SQOR: variants seen among roughly 807,000 people sequenced by gnomAD.
SQOR encodes sulfide:quinone oxidoreductase, mitochondrial.
In SQOR, 39 loss-of-function variants were observed where a neutral mutation model predicts 48.6. The ratio of observed to expected loss-of-function variants is 0.80; its 90% CI spans 0.62 to 1.05. SQOR has a LOEUF of 1.05. Ranked by LOEUF, SQOR falls within the 50% of genes least tolerant of loss-of-function variation. The pLI, the probability that SQOR is intolerant of heterozygous loss-of-function variation, is 0.00. For synonymous variants in SQOR, 220 were observed against 206.2 expected (o/e 1.07, Z -0.57); for missense variants, 561 against 559.9 (o/e 1.00, Z -0.02).
chr15:45,676,262 G>T lies in SQOR; in HGVS notation c.816G>T (p.Glu272Asp), dbSNP rs1429436199. The T allele has an allele frequency of 1.2e-6, 2 of 1,613,996 alleles. No homozygotes were observed. Among genetic ancestry groups the T allele is most frequent in the African/African-American group, 2.7e-5 (2 of 74,904 alleles). Residue 272 changes from glutamate to aspartate, a missense_variant, in exon 6 of 10, where the codon GAG becomes GAT. Transcript: ENST00000260324. ...TTGAAGTCCGAGCCGATAAACAAGA[G>T]GCTGTATTTGAGAACCTGGACAAAC... Reference protein sequence around the residue: ...NLIEVRADKQEAVFENLDKPG... With the variant: ...NLIEVRADKQDAVFENLDKPG...
chr15:45,647,172 C>A (rs1428355673), intron 1 of SQOR, among the ~76,000 whole-genome samples: 2 of 151,788 alleles, frequency 1.3e-5, no homozygotes, highest in African/African-American at 2.4e-5. Flanking sequence ...TCGCTTGAAT[C>A]CGGGAGGAGG....
intron 4 of SQOR, among the ~76,000 whole-genome samples, chr15:45,671,121 T>A (rs2140954841): frequency 6.6e-6 from 1 of 152,230 alleles, no homozygotes; most frequent in East Asian, 1.9e-4. Context: ...TATTATGGAA[T>A]CTCTATTACA....
At chr15:45,646,252 G>A (rs533381876) in intron 1 of SQOR, among the ~76,000 whole-genome samples, 1 of 152,176 alleles carries the variant, frequency 6.6e-6, no homozygotes, top group African/African-American at 2.4e-5. Context: ...GCCATCCCTG[G>A]AGCTGGAAGG....
intron 1 of SQOR, among the ~76,000 whole-genome samples, chr15:45,647,826 A>C (rs1001085022): frequency 6.6e-6 from 1 of 152,126 alleles, no homozygotes; most frequent in Admixed American, 6.5e-5. Context: ...TTGAAGCACA[A>C]GAATCGCTTA....
At position 45,689,182 on chromosome 15, in the gene SQOR, C is replaced by T. The variant is rs1421151986; in HGVS notation, c.1260C>T (p.Asp420=). Residue 420 remains aspartate (D), a synonymous_variant, in exon 9 of 10, where the codon GAC becomes GAT. Coordinates refer to ENST00000260324, the MANE Select transcript of SQOR (RefSeq NM_021199.4). The part of the protein sequence containing the change: ...ERLSMYLMKA[D]LMPFLYWNMM... Reference sequence around the variant, plus strand: ...TTTCCATGTATCTCATGAAAGCTGACCTGATGCCTTTCCTGTATTGGAATA... The same window carrying T: ...TTTCCATGTATCTCATGAAAGCTGATCTGATGCCTTTCCTGTATTGGAATA... The T allele has an allele frequency of 6.2e-7, 1 of 1,613,944 alleles. No homozygotes were observed. Among genetic ancestry groups the T allele is most frequent in the East Asian group, 2.2e-5 (1 of 44,872 alleles).
intron 2 of SQOR, among the ~76,000 whole-genome samples, chr15:45,661,301 A>G (rs1223691829): frequency 6.6e-6 from 1 of 150,416 alleles, no homozygotes; most frequent in Non-Finnish European, 1.5e-5. Flanking sequence ...AAAAAAAAAA[A>G]AAAAAAAAAA....
intron 1 of SQOR, among the ~76,000 whole-genome samples, chr15:45,638,503 G>A (rs1156677864): frequency 3.9e-5 from 6 of 152,098 alleles, no homozygotes; most frequent in African/African-American, 7.2e-5. Context: ...TAAGCAGATC[G>A]CTTGAGGCTG....
intron 8 of SQOR, among the ~76,000 whole-genome samples, chr15:45,688,670 C>G (rs1044207177): frequency 2.6e-5 from 4 of 152,126 alleles, no homozygotes; most frequent in African/African-American, 9.7e-5. Flanking sequence ...TGCCACCACA[C>G]CTGGCTAATT....
At chr15:45,632,950 A>T (rs186055517), upstream of SQOR, among the ~76,000 whole-genome samples, 197 of 152,038 alleles carry the variant, frequency 1.3e-3, 2 homozygotes, top group East Asian at 9.1e-3. Flanking sequence ...ACAAAAAAAA[A>T]AAATAAATAA....
intron 3 of SQOR, among the ~76,000 whole-genome samples, chr15:45,666,477 T>C (rs1889818969): frequency 6.6e-6 from 1 of 152,138 alleles, no homozygotes; most frequent in South Asian, 2.1e-4. Context: ...TGTAAAATAA[T>C]AATAATAATA....
intron 2 of SQOR, among the ~76,000 whole-genome samples, chr15:45,661,389 G>GT (rs1372751988): frequency 2.6e-5 from 4 of 151,606 alleles, no homozygotes; most frequent in Non-Finnish European, 5.9e-5. Flanking sequence ...GTAGGATCTG[G>GT]TACTTATTGT....
intron 6 of SQOR, among the ~76,000 whole-genome samples, chr15:45,677,578 A>G (rs907962720): frequency 2.0e-5 from 3 of 152,098 alleles, no homozygotes; most frequent in African/African-American, 4.8e-5. Flanking sequence ...TTTGTCTTCT[A>G]TGACGTTGAT....
intron 6 of SQOR, among the ~76,000 whole-genome samples, chr15:45,680,665 C>T (rs1030103681): frequency 3.3e-5 from 5 of 152,096 alleles, no homozygotes; most frequent in African/African-American, 1.2e-4. Flanking sequence ...ATCTGCCCAC[C>T]TTGGCCCCCC....
intron 1 of SQOR, among the ~76,000 whole-genome samples, chr15:45,655,586 G>A (rs8039784): frequency 0.25 from 38,242 of 151,928 alleles, 5,259 homozygotes; most frequent in African/African-American, 0.33. Context: ...AAAGAAGAGG[G>A]AAAATAATTA....
intron 6 of SQOR, among the ~76,000 whole-genome samples, chr15:45,679,425 C>T (rs960548379): frequency 7.9e-5 from 12 of 152,196 alleles, no homozygotes; most frequent in African/African-American, 2.2e-4. Flanking sequence ...AGAATTGGGC[C>T]GGACGTGGTG....
At chr15:45,679,263 C>T (rs1011605284) in intron 6 of SQOR, among the ~76,000 whole-genome samples, 1 of 152,174 alleles carries the variant, frequency 6.6e-6, no homozygotes, top group Non-Finnish European at 1.5e-5. Context: ...TTAACCCTGG[C>T]TACATATTAG....
intron 6 of SQOR, among the ~76,000 whole-genome samples, chr15:45,677,832 C>T (rs1378091522): frequency 6.6e-6 from 1 of 152,234 alleles, no homozygotes; most frequent in African/African-American, 2.4e-5. Flanking sequence ...TCATGAGTAG[C>T]TGGGACTACA....
intron 3 of SQOR, among the ~76,000 whole-genome samples, chr15:45,668,981 T>A (rs1438549868): frequency 6.6e-6 from 1 of 151,952 alleles, no homozygotes; most frequent in East Asian, 1.9e-4. Flanking sequence ...TAAGATCAGG[T>A]ACACTATGTC....
Position 45,691,014 on chromosome 15 carries a change from A to C in SQOR, c.1337A>C (p.His446Pro). The C allele has an allele frequency of 6.2e-7, 1 of 1,614,004 alleles. No homozygotes were observed. The highest frequency in any genetic ancestry group is 1.1e-5 in the South Asian group (1 of 91,072). ...GGPAFLRKLFHLGMS is the reference protein window; with the variant it reads ...GGPAFLRKLFPLGMS ...CCAGCGTTTCTGCGCAAGTTGTTTC[A>C]TCTAGGTATGAGTTAAGGATGGCTC... Residue 446 changes from histidine to proline, a missense_variant, in exon 10 of 10, where the codon CAT (histidine) becomes CCT (proline). Transcript: ENST00000260324.
Sources: gnomAD v4.1 joint callset for allele counts (sites outside exome capture counted in the v4.1 genomes callset) on GRCh38, gnomAD v4.1.1 for gene constraint, MANE v1.5 for transcripts, NCBI Gene and HGNC (gene_info 2026-07-23, HGNC 2026-07-21) for gene names.